The following MRC2 variants were observed in gnomAD, a reference collection of about 807,000 sequenced individuals.
MRC2 encodes the protein mannose receptor C-type 2, also known as C-type mannose receptor 2.
A neutral mutation model predicts 206.2 loss-of-function variants in MRC2; 84 were observed. That is an observed-to-expected ratio of 0.41 (90% CI 0.34 to 0.49). The LOEUF (loss-of-function observed/expected upper bound fraction) is 0.49, where lower values mean the gene tolerates loss of function less well. Among genes scored for constraint, MRC2 ranks in the 20% least tolerant of loss-of-function variants. The pLI, the probability that MRC2 is intolerant of heterozygous loss-of-function variation, is 0.31. For missense variants in MRC2, 1,676 were observed against 2,001.5 expected (o/e 0.84, Z 3.10); for synonymous variants, 798 against 800.0 (o/e 1.00, Z 0.04).
At chr17:62,670,537 G>C (rs1418337275) in intron 6 of MRC2, among the ~76,000 whole-genome samples, 1 of 152,384 alleles carries the variant, frequency 6.6e-6, no homozygotes. Context: ...GCCCGAGCAT[G>C]ACACTGTGGG....
intron 1 of MRC2, among the ~76,000 whole-genome samples, chr17:62,641,225 C>T (rs556885268): frequency 4.0e-5 from 6 of 148,890 alleles, no homozygotes; most frequent in African/African-American, 9.9e-5. Context: ...TTTGGGAGGC[C>T]GAGGTGGGTG....
chr17:62,677,598 AGACGGGT>A, intron 12 of MRC2, 112 bp downstream of exon 12: 4 of 965,374 alleles, frequency 4.1e-6, no homozygotes, highest in Non-Finnish European at 6.1e-6. Flanking sequence ...ACCAGGCTGC[AGACGGGT>A]GATTTCTGGT....
chr17:62,689,679 C>T lies in MRC2; in HGVS notation c.3492C>T (p.Pro1164=), dbSNP rs376691214. ...GCAATGCCAGCCTGGCCTACGTGCC[C>T]GACCCCTACACCCAGGCCTTCCTCA... ...ESRNASLAYV[P]DPYTQAFLTQ... Residue 1164 remains proline, a synonymous_variant, in exon 24 of 30, where the codon CCC becomes CCT. Transcript: ENST00000303375. 6.2e-5 allele frequency: 99 copies of T among 1,586,958 alleles called. No individual in the cohort carries two copies. The highest frequency in any genetic ancestry group is 1.6e-4 in the Middle Eastern group (1 of 6,062).
Position 62,666,292 on chromosome 17 carries a change from G to T in MRC2, c.694+25G>T. The T allele has an allele frequency of 6.4e-7, 1 of 1,557,752 alleles. No individual in the cohort carries two copies. The highest frequency in any genetic ancestry group is 8.7e-7 in the Non-Finnish European group (1 of 1,154,574). ...AGTGAGAGCTGTTGGAGCCGTGGGG[G>T]CGGGGGCAGTGTTCCTGGAGGGAGG... On this transcript the variant is annotated intron_variant, in intron 3 of 29. Transcript: ENST00000303375. The surrounding 1 kb of genome is among the most constrained non-coding windows in gnomAD (Gnocchi z 5.0).
intron 12 of MRC2, 32 bp downstream of exon 12, chr17:62,677,518 G>A: frequency 1.3e-6 from 2 of 1,553,496 alleles, no homozygotes; most frequent in Non-Finnish European, 1.7e-6. Flanking sequence ...GTAGGGGGCA[G>A]GGGGAGGACA....
Position 62,684,789 on chromosome 17 carries a change from AGGAAG to A in MRC2, c.2946+2414_2946+2418del, listed in dbSNP as rs546968104. 4.3e-3 allele frequency among the ~76,000 whole-genome samples: 651 copies of A among 152,366 alleles called. 6 individuals carry two copies. The highest frequency in any genetic ancestry group is 0.015 in the African/African-American group (621 of 41,592). On this transcript the variant is annotated intron_variant, in intron 20 of 29. Transcript: ENST00000303375. ...TAATCCACAAATCCTTGTCATACAC[AGGAAG>A]GCAGCCAGCCTCTTAGTGTCATGGA...
chr17:62,633,578 C>A (rs956682894), intron 1 of MRC2, among the ~76,000 whole-genome samples: 3 of 144,498 alleles, frequency 2.1e-5, no homozygotes, highest in Admixed American at 1.4e-4. Context: ...CTTCAATATA[C>A]AAAATCCTGC....
At chr17:62,642,548 G>A (rs1024923498) in intron 1 of MRC2, among the ~76,000 whole-genome samples, 4 of 152,170 alleles carry the variant, frequency 2.6e-5, no homozygotes, top group Non-Finnish European at 5.9e-5. Flanking sequence ...CCAGGTTCAA[G>A]CAATTATTCT....
intron 1 of MRC2, among the ~76,000 whole-genome samples, chr17:62,650,697 G>C (rs898216649): frequency 1.3e-5 from 2 of 152,124 alleles, no homozygotes; most frequent in Admixed American, 6.5e-5. Flanking sequence ...AAAAGCCTTG[G>C]AACCCACTGT....
rs543242516 is a variant in MRC2, at chr17:62,655,051, C to T, written c.119-9497C>T. Among the ~76,000 whole-genome samples the T allele has an allele frequency of 7.9e-5, 12 of 152,272 alleles. 1 individual carries two copies. In the East Asian group the frequency reaches 1.7e-3, roughly 22 times the overall value. ...CTGTAATCCCAGCACTTTGGGAGGC[C>T]GAGGCAGGCGGATCACGAGGTCAGG... is the stretch of plus-strand genomic sequence containing the variant. On this transcript the variant is annotated intron_variant, in intron 1 of 29. Coordinates refer to ENST00000303375, the MANE Select transcript of MRC2 (RefSeq NM_006039.5).
intron 27 of MRC2, 27 bp from the exon 28 acceptor site, chr17:62,690,922 G>C: frequency 6.4e-7 from 1 of 1,557,276 alleles, no homozygotes; most frequent in South Asian, 1.2e-5. Flanking sequence ...CCTTGTCCCT[G>C]CTCCCTCAGT....
At chr17:62,669,673 C>T (rs1396985789) in intron 6 of MRC2, among the ~76,000 whole-genome samples, 1 of 152,100 alleles carries the variant, frequency 6.6e-6, no homozygotes, top group Non-Finnish European at 1.5e-5. Context: ...ATGCTCCAGC[C>T]TCCCGAGTAG....
At chr17:62,674,849 GAC>G (rs1210908102) in intron 9 of MRC2, among the ~76,000 whole-genome samples, 1 of 152,112 alleles carries the variant, frequency 6.6e-6, no homozygotes, top group Non-Finnish European at 1.5e-5. Flanking sequence ...GCTTCTAAAA[GAC>G]ACTGCTTGGC....
chr17:62,636,402 A>G (rs1416538455), intron 1 of MRC2, among the ~76,000 whole-genome samples: 1 of 151,802 alleles, frequency 6.6e-6, no homozygotes, highest in Non-Finnish European at 1.5e-5. Flanking sequence ...TCTGTGGGTA[A>G]TCTTCCCAAC....
rs1300555413 is a variant in MRC2 at position 62,690,072 on chromosome 17, C to T, written c.3742+10C>T. 4 of 1,588,272 alleles carry T rather than the reference C, an allele frequency of 2.5e-6. No individual in the cohort carries two copies. The highest frequency in any genetic ancestry group is 2.2e-5 in the East Asian group (1 of 44,600). On this transcript the variant is annotated intron_variant, in intron 25 of 29. Transcript: ENST00000303375. ...TGTGGGGTTAGCAGTGGTGAGTGCC[C>T]ACCTGCCAGGGCGGGGGCATGGGCA...
intron 1 of MRC2, among the ~76,000 whole-genome samples, chr17:62,655,537 A>G (rs1012836975): frequency 2.0e-4 from 31 of 151,268 alleles, no homozygotes; most frequent in African/African-American, 6.5e-4. Context: ...GCGAGACTCC[A>G]TCTCAAAACA....
At chr17:62,658,429 G>T (rs2088643054) in intron 1 of MRC2, among the ~76,000 whole-genome samples, 1 of 152,202 alleles carries the variant, frequency 6.6e-6, no homozygotes, top group Non-Finnish European at 1.5e-5. Context: ...ATGTGACAAA[G>T]GAGGAAACTG....
chr17:62,681,276 G>A lies in MRC2; in HGVS notation c.2702+147G>A. On this transcript the variant is annotated intron_variant, in intron 18 of 29. Transcript: ENST00000303375. ...AAGATACTTAACCTTTCTGGGCCTT[G>A]GTTTTCTCATCTGAAAATGGGAATA... 5.5e-6 allele frequency: 5 copies of A among 910,448 alleles called. No homozygotes were observed. In the South Asian group the frequency reaches 8.8e-5, roughly 16 times the overall value. 56.4% of individuals were successfully genotyped at this position (910,448 alleles called of 1,614,324 possible).
rs969194370 is a variant in MRC2 at position 62,665,042 on chromosome 17, C to T, written c.520+93C>T. On this transcript the variant is annotated intron_variant, in intron 2 of 29. Coordinates refer to ENST00000303375, the MANE Select transcript of MRC2 (RefSeq NM_006039.5). Reference sequence around the variant, plus strand: ...AGATTCCCAGTGACAAGGCCTTTGGCCTCTGTGGACCCTTGGCAGTCACAT... The same window carrying T: ...AGATTCCCAGTGACAAGGCCTTTGGTCTCTGTGGACCCTTGGCAGTCACAT... The T allele has an allele frequency of 3.8e-6, 5 of 1,327,686 alleles. No individual in the cohort carries two copies. The African/African-American group carries it at 4.4e-5, about 12-fold the overall frequency. 82.2% of individuals were successfully genotyped at this position (1,327,686 alleles called of 1,614,324 possible).
Sources: gnomAD v4.1 joint callset for allele counts (sites outside exome capture counted in the v4.1 genomes callset) on GRCh38, gnomAD v4.1.1 for gene constraint, Gnocchi (gnomAD v3.1) non-coding constraint, MANE v1.5 for transcripts, NCBI Gene and HGNC (gene_info 2026-07-23, HGNC 2026-07-21) for gene names.